The following ARL14EP variants were observed in gnomAD, a reference collection of about 807,000 sequenced individuals.
The protein encoded by ARL14EP is ARF like GTPase 14 effector protein.
In ARL14EP, 12 loss-of-function variants were observed where a neutral mutation model predicts 23.1. The observed-to-expected ratio is 0.52, with a 90% CI of 0.33 to 0.84. The LOEUF (loss-of-function observed/expected upper bound fraction) is 0.84. ARL14EP is among the 40% of genes least tolerant of loss of function. The pLI is 0.02. For synonymous variants in ARL14EP, 97 were observed against 102.0 expected (o/e 0.95, Z 0.29); for missense variants, 253 against 307.3 (o/e 0.82, Z 1.32).
At chr11:30,336,332 C>T (rs776021768) in intron 3 of ARL14EP, among the ~76,000 whole-genome samples, 14 of 149,992 alleles carry the variant, frequency 9.3e-5, no homozygotes, top group Non-Finnish European at 1.8e-4. Flanking sequence ...CTTCAAGAAG[C>T]GTATTCAGAA....
Position 30,338,163 on chromosome 11 carries a change from CTAAG to C in ARL14EP, c.*1370_*1373del. On this transcript the variant is annotated 3_prime_UTR_variant, in exon 4 of 4. Transcript: ENST00000282032. ...ACTGTTTTGGAAATAATTTATATAT[CTAAG>C]TGCTGAAATATATTTCTCTTCTCCC... 6.6e-6 allele frequency: 1 copy of C among 152,302 alleles called. No individual in the cohort carries two copies. The highest frequency in any genetic ancestry group is 1.5e-5 in the Non-Finnish European group (1 of 68,032). The allele number at this position is 152,302 out of a possible 1,614,324, so 9.4% of individuals were successfully genotyped here.
Position 30,332,903 on chromosome 11 carries a change from C to T in ARL14EP, c.464C>T (p.Thr155Met), listed in dbSNP as rs777607290. 9.9e-6 allele frequency: 16 copies of T among 1,613,104 alleles called. No individual in the cohort carries two copies. The highest frequency in any genetic ancestry group is 1.3e-5 in the Non-Finnish European group (15 of 1,179,516). ...TAKALRSLQF[T>M]NPGRQTEFAP... ...AAAGCTTTGAGGTCATTACAATTTA[C>T]GAATCCAGGAAGGCAAACTGAATTT... Residue 155 changes from threonine to methionine, a missense_variant, in exon 3 of 4, where the codon ACG (threonine) becomes ATG (methionine). Thr to Met is a moderately conservative substitution (Grantham distance 81). Transcript: ENST00000282032.
chr11:30,327,802 C>CAAAA (rs369601355), intron 1 of ARL14EP, among the ~76,000 whole-genome samples: 2 of 115,318 alleles, frequency 1.7e-5, no homozygotes, highest in Non-Finnish European at 3.5e-5. Flanking sequence ...ACTAAAAATA[C>CAAAA]AAAAAAAAAA....
Position 30,336,859 on chromosome 11 carries a change from T to A in ARL14EP, c.*64T>A, listed in dbSNP as rs1947337314. 1.4e-6 allele frequency: 2 copies of A among 1,408,470 alleles called. No individual in the cohort carries two copies. Among genetic ancestry groups the A allele is most frequent in the South Asian group, 2.4e-5 (2 of 84,790 alleles). 87.2% of individuals were successfully genotyped at this position (1,408,470 alleles called of 1,614,324 possible). A position where few individuals can be genotyped will look rare whatever the true frequency, so the allele number is the denominator to read the frequency against. On this transcript the variant is annotated 3_prime_UTR_variant, in exon 4 of 4. Transcript: ENST00000282032. ...TTTCTAAAAATCTGTTACTCTAAGATACATTTTAAGCTTGATTATCATATG... is the reference window on the plus strand; with the variant it reads ...TTTCTAAAAATCTGTTACTCTAAGAAACATTTTAAGCTTGATTATCATATG...
At chr11:30,325,291 T>C (rs1947228211) in intron 1 of ARL14EP, among the ~76,000 whole-genome samples, 1 of 152,164 alleles carries the variant, frequency 6.6e-6, no homozygotes, top group Non-Finnish European at 1.5e-5. Flanking sequence ...TTCCACTTGA[T>C]CTGTAGGGCC....
chr11:30,329,574 G>A (rs1204045277), intron 1 of ARL14EP: 1 of 152,162 alleles, frequency 6.6e-6, no homozygotes, highest in African/African-American at 2.4e-5. Context: ...ATTATAAGGA[G>A]CATGTGAGAG....
intron 1 of ARL14EP, among the ~76,000 whole-genome samples, chr11:30,323,543 C>T (rs1947212772): frequency 6.6e-6 from 1 of 152,186 alleles, no homozygotes; most frequent in African/African-American, 2.4e-5. Context: ...CGTAGACAGC[C>T]TTTATCTCTG....
chr11:30,336,689 G>C lies in ARL14EP; in HGVS notation c.677G>C (p.Cys226Ser). Residue 226 changes from cysteine (C) to serine (S), a missense_variant, in exon 4 of 4, where the codon TGT becomes TCT. Transcript: ENST00000282032. ...CLGCFYACPA[C>S]GSTKCGAECR... ...GGATGTTTCTATGCTTGTCCTGCCT[G>C]TGGTTCTACCAAGTGTGGAGCTGAA... 6.2e-7 allele frequency: 1 copy of C among 1,614,132 alleles called. No homozygotes were observed. Among genetic ancestry groups the C allele is most frequent in the Non-Finnish European group, 8.5e-7 (1 of 1,180,028 alleles).
intron 1 of ARL14EP, among the ~76,000 whole-genome samples, chr11:30,327,802 CAA>C (rs369601355): frequency 7.8e-5 from 9 of 115,328 alleles, no homozygotes; most frequent in Admixed American, 9.4e-5. Context: ...ACTAAAAATA[CAA>C]AAAAAAAAAA....
chr11:30,334,294 C>T (rs1022772089), intron 3 of ARL14EP, among the ~76,000 whole-genome samples: 1 of 147,346 alleles, frequency 6.8e-6, no homozygotes, highest in Non-Finnish European at 1.5e-5. Context: ...CAGCTCACTA[C>T]ACCCGCCACC....
rs766073385 is a variant in ARL14EP at position 30,336,651 on chromosome 11, T to G, written c.639T>G (p.Asp213Glu). 6.2e-7 allele frequency: 1 copy of G among 1,614,210 alleles called. No homozygotes were observed. The change falls in exon 4 of 4, where the codon GAT (aspartate) becomes GAG (glutamate). Residue 213 changes from aspartate (D) to glutamate (E), a missense_variant. By Grantham distance (45) the Asp-to-Glu change is conservative. Coordinates refer to ENST00000282032, the MANE Select transcript of ARL14EP (RefSeq NM_152316.3). ...GGATGGACCTCTGTGACTGCCTGGA[T>G]GAAGACTGCTTAGGATGTTTCTATG... ...FSGMDLCDCL[D>E]EDCLGCFYAC...
intron 3 of ARL14EP, among the ~76,000 whole-genome samples, 200 bp from the exon 4 acceptor site, chr11:30,336,367 A>G (rs1235044538): frequency 6.6e-6 from 1 of 152,100 alleles, no homozygotes; most frequent in Admixed American, 6.5e-5. Context: ...TCAACACTCT[A>G]TAGAGTTAGG....
Position 30,330,872 on chromosome 11 carries a change from A to T in ARL14EP, c.-63-14A>T. 2.2e-6 allele frequency: 3 copies of T among 1,392,646 alleles called. No individual in the cohort carries two copies. Among genetic ancestry groups the T allele is most frequent in the Non-Finnish European group, 2.0e-6 (2 of 997,590 alleles). 86.3% of individuals were successfully genotyped at this position (1,392,646 alleles called of 1,614,324 possible). ...TTGCAGCACAAATTTGATTCTCTTTAATATTTTCTCTAGGGTGATCAGCCC... is the reference window on the plus strand; with the variant it reads ...TTGCAGCACAAATTTGATTCTCTTTTATATTTTCTCTAGGGTGATCAGCCC... On this transcript the variant is annotated splice_polypyrimidine_tract_variant and intron_variant, in intron 1 of 3. Coordinates refer to ENST00000282032, the MANE Select transcript of ARL14EP (RefSeq NM_152316.3).
At chr11:30,334,341 G>A (rs1327451512) in intron 3 of ARL14EP, among the ~76,000 whole-genome samples, 1 of 150,458 alleles carries the variant, frequency 6.6e-6, no homozygotes, top group African/African-American at 2.4e-5. Context: ...TCAACCTCTT[G>A]GGTAGCTGGG....
chr11:30,336,750 T>C lies in ARL14EP; in HGVS notation c.738T>C (p.Ile246=), dbSNP rs1377666684. Residue 246 remains isoleucine (I), a synonymous_variant, in exon 4 of 4, where the codon ATT becomes ATC. Coordinates refer to ENST00000282032, the MANE Select transcript of ARL14EP (RefSeq NM_152316.3). The part of the protein sequence containing the change: ...RCDRKWLYEQ[I]EIEGGEIIHN... ...ACCGCAAGTGGCTGTATGAGCAAAT[T>C]GAAATTGAAGGAGGAGAAATAATTC... 2 of 1,614,014 alleles carry C rather than the reference T, an allele frequency of 1.2e-6. No homozygotes were observed. The highest frequency in any genetic ancestry group is 1.7e-6 in the Non-Finnish European group (2 of 1,180,032).
intron 3 of ARL14EP, among the ~76,000 whole-genome samples, 188 bp from the exon 4 acceptor site, chr11:30,336,379 C>T (rs1307115449): frequency 6.6e-6 from 1 of 152,094 alleles, no homozygotes; most frequent in Non-Finnish European, 1.5e-5. Flanking sequence ...AGAGTTAGGT[C>T]TCCTCTTCTC....
intron 1 of ARL14EP, chr11:30,329,390 G>A (rs991021423): frequency 6.6e-6 from 1 of 152,130 alleles, no homozygotes; most frequent in African/African-American, 2.4e-5. Flanking sequence ...GCCAAAGGCA[G>A]TGAATGCTGA....
intron 1 of ARL14EP, 102 bp from the exon 2 acceptor site, chr11:30,330,784 C>G (rs926010983): frequency 2.6e-5 from 17 of 649,762 alleles, no homozygotes; most frequent in Middle Eastern, 4.2e-4. Flanking sequence ...CTTTTTTATT[C>G]CTTATTTTCT....
chr11:30,333,017 A>T (rs374008062), intron 3 of ARL14EP, 24 bp downstream of exon 3: 1 of 1,611,078 alleles, frequency 6.2e-7, no homozygotes, highest in Non-Finnish European at 8.5e-7. Flanking sequence ...TACTGAAGAC[A>T]TGTTAACTTG....
Sources: allele counts gnomAD v4.1 joint callset (sites outside exome capture counted in the v4.1 genomes callset), GRCh38; gene constraint gnomAD v4.1.1; transcripts MANE v1.5; gene names NCBI Gene and HGNC (gene_info 2026-07-23, HGNC 2026-07-21).